PTPN18: variants seen among roughly 807,000 people sequenced by gnomAD.
The protein encoded by PTPN18 is protein tyrosine phosphatase non-receptor type 18, also known as tyrosine-protein phosphatase non-receptor type 18.
PTPN18 carries 65 observed loss-of-function variants against 65.4 expected under a neutral mutation model. The ratio of observed to expected loss-of-function variants is 0.99; its 90% confidence interval spans 0.81 to 1.22. The LOEUF (loss-of-function observed/expected upper bound fraction) is 1.22, where lower values mean the gene tolerates loss of function less well. PTPN18 is among the 50% of genes most tolerant of loss of function. PTPN18 has a pLI of 0.00. For synonymous variants in PTPN18, 255 were observed against 267.8 expected (o/e 0.95, Z 0.47); for missense variants, 616 against 646.5 (o/e 0.95, Z 0.51).
chr2:130,359,319 G>C lies in PTPN18; in HGVS notation c.279+10G>C. The C allele has an allele frequency of 6.2e-7, 1 of 1,614,186 alleles. No homozygotes were observed. The highest frequency in any genetic ancestry group is 8.5e-7 in the Non-Finnish European group (1 of 1,180,024). On this transcript the variant is annotated intron_variant, in intron 3 of 14. Transcript: ENST00000175756. ...TGGCAACTTCATCCGGGTGAGGGTT[G>C]GGGTCACGGAAGGAGGTGGACTGGG...
At chr2:130,370,420 A>G in intron 8 of PTPN18, 137 bp from the exon 9 acceptor site, 2 of 1,200,152 alleles carry the variant, frequency 1.7e-6, no homozygotes. Context: ...TTCCTTGTTC[A>G]GATATAATCT....
At chr2:130,356,251 G>C (rs936361493) in intron 1 of PTPN18, 51 bp downstream of exon 1, 26 of 1,236,702 alleles carry the variant, frequency 2.1e-5, no homozygotes, top group African/African-American at 4.8e-5. Context: ...CTGGCCCTGC[G>C]TACGCCTGTC....
chr2:130,370,591 G>A lies in PTPN18; in HGVS notation c.724G>A (p.Val242Met). 10 of 1,614,140 alleles carry A rather than the reference G, an allele frequency of 6.2e-6. No individual in the cohort carries two copies. The highest frequency in any genetic ancestry group is 7.6e-6 in the Non-Finnish European group (9 of 1,180,026). The change falls in exon 9 of 15, where the codon GTG becomes ATG. Residue 242 changes from valine (V) to methionine (M), a missense_variant. By Grantham distance (21) the Val-to-Met change is conservative. Transcript: ENST00000175756. ...GCGRTGVLCT[V>M]DYVRQLLLTQ... ...TGGGCGAACAGGCGTCCTGTGCACC[G>A]TGGATTATGTGAGGCAGCTGCTCCT...
chr2:130,359,633 T>G lies in PTPN18; in HGVS notation c.401T>G (p.Ile134Arg), dbSNP rs749855886. ...VKVILMACREIENGRKRCERY... is the reference protein window; with the variant it reads ...VKVILMACRERENGRKRCERY... Reference sequence around the variant, plus strand: ...GTGATCCTGATGGCCTGTCGAGAGATAGAGAATGGGCGGGTAGGTGCCCTC... The same window carrying G: ...GTGATCCTGATGGCCTGTCGAGAGAGAGAGAATGGGCGGGTAGGTGCCCTC... Residue 134 changes from isoleucine (I) to arginine (R), a missense_variant, in exon 5 of 15, where the codon ATA (isoleucine) becomes AGA (arginine). Ile to Arg is a moderately conservative substitution (Grantham distance 97). Transcript: ENST00000175756. The G allele has an allele frequency of 4.2e-5, 67 of 1,613,948 alleles. No homozygotes were observed. Among genetic ancestry groups the G allele is most frequent in the Non-Finnish European group, 7.6e-6 (9 of 1,180,000 alleles).
Position 130,372,861 on chromosome 2 carries a change from T to A in PTPN18, c.1241-12T>A. On this transcript the variant is annotated splice_polypyrimidine_tract_variant and intron_variant, in intron 13 of 14. Coordinates refer to ENST00000175756, the MANE Select transcript of PTPN18 (RefSeq NM_014369.4). ...TTCCGGAGCTGACCCGTGGGGGGTC[T>A]GCTGCCCTCAGTTCCTGCTGACCAA... The A allele has an allele frequency of 6.2e-7, 1 of 1,613,922 alleles. No homozygotes were observed. Among genetic ancestry groups the A allele is most frequent in the Non-Finnish European group, 8.5e-7 (1 of 1,179,906 alleles).
At chr2:130,368,542 C>A (rs1266503586) in intron 5 of PTPN18, among the ~76,000 whole-genome samples, 1 of 152,194 alleles carries the variant, frequency 6.6e-6, no homozygotes, top group African/African-American at 2.4e-5. Flanking sequence ...CAGATCCCTA[C>A]TATTCTTTCA....
rs542629730 is a variant in PTPN18, at chr2:130,360,113, C to T, written c.414+467C>T. On this transcript the variant is annotated intron_variant, in intron 5 of 14. Transcript: ENST00000175756. ...ATGGTAATTCCTCAATGAGACCTTCCGGGGTGGGTCTTCACACCATTTTAA... is the reference window on the plus strand; with the variant it reads ...ATGGTAATTCCTCAATGAGACCTTCTGGGGTGGGTCTTCACACCATTTTAA... 4.7e-4 allele frequency among the ~76,000 whole-genome samples: 71 copies of T among 152,296 alleles called. No homozygotes were observed. In the Middle Eastern group the frequency reaches 0.01, roughly 22 times the overall value.
chr2:130,369,974 G>A (rs894354024), intron 7 of PTPN18, 74 bp from the exon 8 acceptor site: 8 of 1,586,986 alleles, frequency 5.0e-6, no homozygotes, highest in Non-Finnish European at 6.9e-6. Flanking sequence ...TGGGCCTGGT[G>A]TATAGTAGAT....
At position 130,371,256 on chromosome 2, in the gene PTPN18, G is replaced by T; in HGVS notation, c.982G>T (p.Ala328Ser). 1 of 1,608,110 alleles carries T rather than the reference G, an allele frequency of 6.2e-7. No homozygotes were observed. The change falls in exon 12 of 15, where the codon GCC becomes TCC. Residue 328 changes from alanine to serine, a missense_variant. This residue lies in a region of PTPN18 where 368 missense variants were observed against 386.7 expected (regional missense o/e 0.95). Coordinates refer to ENST00000175756, the MANE Select transcript of PTPN18 (RefSeq NM_014369.4). ...LFLRTPQALL[A>S]IPRPPGGVLR... ...CCTCCGGACTCCCCAGGCACTTCTCGCCATACCCCGCCCACCAGGAGGGGT... is the reference window on the plus strand; with the variant it reads ...CCTCCGGACTCCCCAGGCACTTCTCTCCATACCCCGCCCACCAGGAGGGGT...
At position 130,374,698 on chromosome 2, in the gene PTPN18, C is replaced by T. The variant is rs746016115; in HGVS notation, c.*1474C>T. On this transcript the variant is annotated 3_prime_UTR_variant, in exon 15 of 15. Transcript: ENST00000175756. The stretch of plus-strand genomic sequence containing the variant: ...GACCTCTGACTGACACTGTGCCTGC[C>T]CAGGTCCCTGTATGCACTGCCACAG... 6.6e-5 allele frequency: 31 copies of T among 471,104 alleles called. No individual in the cohort carries two copies. Among genetic ancestry groups the T allele is most frequent in the African/African-American group, 4.2e-4 (21 of 50,084 alleles). 29.2% of individuals were successfully genotyped at this position (471,104 alleles called of 1,614,324 possible). A position where few individuals can be genotyped will look rare whatever the true frequency, so the allele number is the denominator to read the frequency against.
At chr2:130,358,787 G>C (rs1190190169) in intron 1 of PTPN18, 80 bp from the exon 2 acceptor site, 18 of 1,149,432 alleles carry the variant, frequency 1.6e-5, no homozygotes, top group Non-Finnish European at 2.3e-5. Context: ...TCCTGCAAGC[G>C]TGCCTAGGTG....
At position 130,369,327 on chromosome 2, in the gene PTPN18, A is replaced by G. The variant is rs1026681881; in HGVS notation, c.483+126A>G. The G allele has an allele frequency of 3.5e-6, 3 of 855,164 alleles. No individual in the cohort carries two copies. The African/African-American group carries it at 5.1e-5, about 15-fold the overall frequency. 53.0% of individuals were successfully genotyped at this position (855,164 alleles called of 1,614,324 possible). A position where few individuals can be genotyped will look rare whatever the true frequency, so the allele number is the denominator to read the frequency against. The stretch of plus-strand genomic sequence containing the variant: ...GGAAACCCTCTGGTGTTAGCCTGCA[A>G]ATAGTTAGAACTTACTATAGGGATA... On this transcript the variant is annotated intron_variant, in intron 6 of 14. Transcript: ENST00000175756.
In PTPN18 at chr2:130,369,201, G is replaced by A. The variant is rs761375414; in HGVS notation, c.483G>A (p.Leu161=). The A allele has an allele frequency of 6.2e-7, 1 of 1,612,432 alleles. No individual in the cohort carries two copies. Among genetic ancestry groups the A allele is most frequent in the Admixed American group, 1.7e-5 (1 of 59,988 alleles). Residue 161 remains leucine (L), a splice_region_variant and synonymous_variant, in exon 6 of 15, where the codon CTG becomes CTA. Coordinates refer to ENST00000175756, the MANE Select transcript of PTPN18 (RefSeq NM_014369.4). ...AGACTGGGCTTTTCTGCATCACTCTGGTGAGCTGTGGGAGTTTTCAAGGAA... is the reference window on the plus strand; with the variant it reads ...AGACTGGGCTTTTCTGCATCACTCTAGTGAGCTGTGGGAGTTTTCAAGGAA... ...PLQTGLFCIT[L]IKEKWLNEDI...
At position 130,372,500 on chromosome 2, in the gene PTPN18, T is replaced by C; in HGVS notation, c.1240+17T>C. ...CTGGCCGCGGTGAGTCGAGGCTTGC[T>C]CCTTCTCAGGGCATCATCCTGCTGT... is the stretch of plus-strand genomic sequence containing the variant. On this transcript the variant is annotated intron_variant, in intron 13 of 14. Transcript: ENST00000175756. 2 of 1,387,314 alleles carry C rather than the reference T, an allele frequency of 1.4e-6. No individual in the cohort carries two copies. Among genetic ancestry groups the C allele is most frequent in the Non-Finnish European group, 1.9e-6 (2 of 1,078,300 alleles). 85.9% of individuals were successfully genotyped at this position (1,387,314 alleles called of 1,614,324 possible).
intron 1 of PTPN18, among the ~76,000 whole-genome samples, chr2:130,358,032 T>C (rs1474435987): frequency 6.6e-6 from 1 of 152,206 alleles, no homozygotes; most frequent in Non-Finnish European, 1.5e-5. Flanking sequence ...TATGACATCA[T>C]GCGACTGGGT....
intron 5 of PTPN18, among the ~76,000 whole-genome samples, chr2:130,365,997 G>T (rs527584834): frequency 9.4e-4 from 143 of 152,328 alleles, no homozygotes; most frequent in African/African-American, 3.3e-3. Context: ...AAATCAGGAA[G>T]TATGAGTCTT....
intron 13 of PTPN18, 135 bp from the exon 14 acceptor site, chr2:130,372,738 G>C (rs1252269682): frequency 1.8e-6 from 2 of 1,115,748 alleles, no homozygotes; most frequent in African/African-American, 3.1e-5. Flanking sequence ...GCCACGTCCG[G>C]GGTGTGTGCC....
intron 5 of PTPN18, 156 bp from the exon 6 acceptor site, chr2:130,368,977 C>T: frequency 1.7e-6 from 1 of 604,578 alleles, no homozygotes; most frequent in Non-Finnish European, 2.9e-6. Flanking sequence ...TGTGTTTAAT[C>T]TGATGGCTCT....
chr2:130,370,786 A>C lies in PTPN18; in HGVS notation c.834+4A>C. ...GCCTGCGGCCGTGCAGACAGAGGTG[A>C]ACCCTGGGTCTCCTAATCTTCAGGG... On this transcript the variant is annotated splice_donor_region_variant and intron_variant, in intron 10 of 14. Transcript: ENST00000175756. 6.2e-7 allele frequency: 1 copy of C among 1,613,772 alleles called. No individual in the cohort carries two copies. The highest frequency in any genetic ancestry group is 1.1e-5 in the South Asian group (1 of 91,076).
Sources: allele counts gnomAD v4.1 joint callset (sites outside exome capture counted in the v4.1 genomes callset), GRCh38; gene constraint gnomAD v4.1.1; regional missense constraint gnomAD v4.1.1; transcripts MANE v1.5; gene names NCBI Gene and HGNC (gene_info 2026-07-23, HGNC 2026-07-21).